The following ZMIZ1 variants were observed in gnomAD, a reference collection of about 807,000 sequenced individuals.
The protein encoded by ZMIZ1 is zinc finger MIZ domain-containing protein 1.
Under a neutral mutation model 113.9 loss-of-function variants are expected in ZMIZ1, and 17 were observed. The observed-to-expected ratio is 0.15, with a 90% CI of 0.10 to 0.22. ZMIZ1 has a LOEUF of 0.22. Ranked by LOEUF, ZMIZ1 falls within the 10% of genes least tolerant of loss-of-function variation. The probability of loss-of-function intolerance (pLI) is 1.00; values close to 1 mark genes in which losing one functional copy is unlikely to be tolerated. For synonymous variants in ZMIZ1, 607 were observed against 603.1 expected, an observed-to-expected ratio of 1.01 and a Z score of -0.09; for missense variants, 1,059 against 1,477.8, an observed-to-expected ratio of 0.72 and a Z score of 4.65.
At position 79,139,601 on chromosome 10, in the gene ZMIZ1, G is replaced by T. The variant is rs151266249; in HGVS notation, c.-226-81G>T. 2.1e-4 allele frequency: 83 copies of T among 397,780 alleles called. No homozygotes were observed. In the East Asian group the frequency reaches 2.9e-3, roughly 14 times the overall value. The allele number at this position is 397,780 out of a possible 1,614,324, so 24.6% of individuals were successfully genotyped here. ...AAGAGGCCGCTGAGATTAGCTTGGC[G>T]GCAGGGACAGAGGTGGGAGGGGAGT... On this transcript the variant is annotated intron_variant, in intron 2 of 24. Coordinates refer to ENST00000334512, the MANE Select transcript of ZMIZ1 (RefSeq NM_020338.4).
At chr10:79,107,175 C>T (rs757481604) in intron 1 of ZMIZ1, among the ~76,000 whole-genome samples, 71 of 152,210 alleles carry the variant, frequency 4.7e-4, no homozygotes, top group Non-Finnish European at 7.6e-4. Flanking sequence ...ACCTGTGATA[C>T]CCATCTTCTG....
intron 1 of ZMIZ1, among the ~76,000 whole-genome samples, chr10:79,115,943 A>G (rs1844002702): frequency 6.6e-6 from 1 of 152,234 alleles, no homozygotes; most frequent in Non-Finnish European, 1.5e-5. Flanking sequence ...CTGTCTGCCT[A>G]GCAGTTTCCA....
At chr10:79,218,584 G>GGTGTGTGTGT (rs55736085) in intron 7 of ZMIZ1, among the ~76,000 whole-genome samples, 7,049 of 147,630 alleles carry the variant, frequency 0.048, 233 homozygotes, top group South Asian at 0.11. Context: ...TAATTAGAGG[G>GGTGTGTGTGT]GTGTGTGTGT....
rs1052793322 is a variant in ZMIZ1 at position 79,069,179 on chromosome 10, C to A, written c.-428C>A. ...AGCCGGAGCCGAGCGGATCTCGGCG[C>A]CCTCGCTGCGCTCCTCCCGGCCCGA... is the stretch of plus-strand genomic sequence containing the variant. On this transcript the variant is annotated 5_prime_UTR_variant, in exon 1 of 25. Coordinates refer to ENST00000334512, the MANE Select transcript of ZMIZ1 (RefSeq NM_020338.4). This position sits in a 1 kb window ranked among gnomAD's most constrained non-coding sequence, Gnocchi z 4.6. The A allele has an allele frequency of 1.3e-5, 2 of 150,008 alleles. No individual in the cohort carries two copies. Among genetic ancestry groups the A allele is most frequent in the African/African-American group, 4.9e-5 (2 of 41,024 alleles). 9.3% of individuals were successfully genotyped at this position (150,008 alleles called of 1,614,324 possible).
At chr10:79,243,979 G>A (rs1850034063) in intron 7 of ZMIZ1, among the ~76,000 whole-genome samples, 1 of 152,244 alleles carries the variant, frequency 6.6e-6, no homozygotes, top group Non-Finnish European at 1.5e-5. Context: ...GGGGCCACGG[G>A]GCAGAGTGCG....
At chr10:79,284,038 T>C (rs529017504) in intron 8 of ZMIZ1, among the ~76,000 whole-genome samples, 12 of 152,316 alleles carry the variant, frequency 7.9e-5, no homozygotes, top group African/African-American at 2.6e-4. Context: ...ATAAAGCAGC[T>C]ATTACAAGTG....
chr10:79,246,518 G>A (rs1349962741), intron 7 of ZMIZ1, among the ~76,000 whole-genome samples: 2 of 152,220 alleles, frequency 1.3e-5, no homozygotes, highest in Non-Finnish European at 2.9e-5. Flanking sequence ...AGTGGGGCCT[G>A]TGGCTGGGAT....
chr10:79,194,078 G>A (rs1847728158), intron 4 of ZMIZ1, among the ~76,000 whole-genome samples: 2 of 152,232 alleles, frequency 1.3e-5, no homozygotes, highest in South Asian at 4.1e-4. Flanking sequence ...TCTGCTCGCG[G>A]GCTGTAGGCA....
At chr10:79,295,775 G>A (rs1328940324) in intron 12 of ZMIZ1, 2 of 152,416 alleles carry the variant, frequency 1.3e-5, no homozygotes, top group Non-Finnish European at 2.9e-5. Flanking sequence ...CTCAGATGGG[G>A]AAGAAGAAAC....
At chr10:79,223,491 C>T (rs1417247344) in intron 7 of ZMIZ1, among the ~76,000 whole-genome samples, 2 of 152,346 alleles carry the variant, frequency 1.3e-5, no homozygotes, top group East Asian at 1.9e-4. Flanking sequence ...TCCACCGCCC[C>T]GGTCAGGTGC....
At chr10:79,241,625 T>C (rs987492861) in intron 7 of ZMIZ1, among the ~76,000 whole-genome samples, 1 of 152,182 alleles carries the variant, frequency 6.6e-6, no homozygotes, top group Non-Finnish European at 1.5e-5. Context: ...GGAAAGCCCA[T>C]GACAACTGCA....
chr10:79,248,670 CTGCCTTCTGAGG>C (rs1330344851), intron 7 of ZMIZ1, among the ~76,000 whole-genome samples: 1 of 152,186 alleles, frequency 6.6e-6, no homozygotes, highest in Non-Finnish European at 1.5e-5. Flanking sequence ...GCAGCCAGCT[CTGCCTTCTGAGG>C]AGCTCCGGGA....
intron 7 of ZMIZ1, among the ~76,000 whole-genome samples, chr10:79,232,806 C>T (rs1397027256): frequency 6.6e-6 from 1 of 152,180 alleles, no homozygotes; most frequent in East Asian, 1.9e-4. Context: ...TAAACCCCCT[C>T]CTGCTTCTTC....
rs1349313282 is a variant in ZMIZ1, at chr10:79,131,331, C to T, written c.-226-8351C>T. On this transcript the variant is annotated intron_variant, in intron 2 of 24. Transcript: ENST00000334512. ...GTGCCCACTCTGGCCTCTTCGGTGG[C>T]GGGGGATTGGGGATAGGTGGGGGTG... Among the ~76,000 whole-genome samples, 10 of 151,232 alleles carry T rather than the reference C, an allele frequency of 6.6e-5. 1 individual carries two copies. The South Asian group carries it at 8.4e-4, about 13-fold the overall frequency.
At chr10:79,149,497 GCTGGATTCAC>G (rs771539740) in intron 3 of ZMIZ1, among the ~76,000 whole-genome samples, 22 of 152,302 alleles carry the variant, frequency 1.4e-4, no homozygotes, top group Non-Finnish European at 2.9e-4. Context: ...CAGGGAATGG[GCTGGATTCAC>G]CTGGAGGCCA....
intron 4 of ZMIZ1, among the ~76,000 whole-genome samples, chr10:79,188,567 G>A (rs1847449720): frequency 6.6e-6 from 1 of 152,088 alleles, no homozygotes; most frequent in Non-Finnish European, 1.5e-5. Flanking sequence ...TTTGTTTCTG[G>A]TCACGCCTTT....
At chr10:79,204,762 ATAGT>A (rs1447959173) in intron 5 of ZMIZ1, among the ~76,000 whole-genome samples, 3 of 152,308 alleles carry the variant, frequency 2.0e-5, no homozygotes, top group Non-Finnish European at 2.9e-5. Flanking sequence ...ATATGGGCAG[ATAGT>A]TAGATGGGTG....
intron 2 of ZMIZ1, among the ~76,000 whole-genome samples, chr10:79,129,130 A>T (rs1844642258): frequency 6.6e-6 from 1 of 152,130 alleles, no homozygotes; most frequent in Non-Finnish European, 1.5e-5. Context: ...CCGGATGCTA[A>T]GCACTTTAAG....
At chr10:79,184,330 C>T (rs546717455) in intron 4 of ZMIZ1, among the ~76,000 whole-genome samples, 2 of 152,308 alleles carry the variant, frequency 1.3e-5, no homozygotes, top group Admixed American at 6.5e-5. Flanking sequence ...GAGCTGTGAG[C>T]GTGAGAATAG....
Sources: allele counts gnomAD v4.1 joint callset (sites outside exome capture counted in the v4.1 genomes callset), GRCh38; gene constraint gnomAD v4.1.1; non-coding constraint Gnocchi (gnomAD v3.1); transcripts MANE v1.5; gene names NCBI Gene and HGNC (gene_info 2026-07-23, HGNC 2026-07-21).